PHF7: variants seen among roughly 807,000 people sequenced by gnomAD.
PHF7 encodes PHD finger protein 7, also known as E3 ubiquitin-protein ligase PHF7.
Under a neutral mutation model 47.5 loss-of-function variants are expected in PHF7, and 24 were observed. The ratio of observed to expected loss-of-function variants is 0.51; its 90% confidence interval spans 0.37 to 0.71. The LOEUF (loss-of-function observed/expected upper bound fraction) is 0.71. Among genes scored for constraint, PHF7 ranks in the 30% least tolerant of loss-of-function variants. The pLI is 0.00. For missense variants in PHF7, 361 were observed against 456.8 expected, an observed-to-expected ratio of 0.79 and a Z score of 1.91; for synonymous variants, 156 against 153.8, an observed-to-expected ratio of 1.01 and a Z score of -0.11.
chr3:52,414,447 C>A, intron 3 of PHF7, 49 bp from the exon 4 acceptor site: 1 of 1,028,196 alleles, frequency 9.7e-7, no homozygotes, highest in Non-Finnish European at 1.5e-6. Flanking sequence ...CCTTCTCTTC[C>A]ATTCTTAATG....
intron 7 of PHF7, 73 bp downstream of exon 7, chr3:52,421,135 A>G (rs941665291): frequency 7.3e-7 from 1 of 1,369,726 alleles, no homozygotes; most frequent in Non-Finnish European, 1.0e-6. Context: ...GAACCCTGGG[A>G]ATGCTCAGGT....
chr3:52,422,854 G>T lies in PHF7; in HGVS notation c.892G>T (p.Glu298Ter). The T allele has an allele frequency of 6.2e-7, 1 of 1,614,156 alleles. No homozygotes were observed. The highest frequency in any genetic ancestry group is 1.1e-5 in the South Asian group (1 of 91,076). ...ATCTAACAGTAAGAAATGGGAGTGT[G>T]AGGAGTGTTCACCTGCTGCAGCCAC... ...LRSNSKKWEC[E>*]ECSPAAATDY... is the part of the protein sequence containing the mutation. The change falls in exon 10 of 11, where the codon GAG becomes TAG. Residue 298 changes from glutamate to a stop codon, truncating the protein, a stop_gained. Coordinates refer to ENST00000327906, the MANE Select transcript of PHF7 (RefSeq NM_016483.7). LOFTEE classifies it low-confidence loss of function (END_TRUNC).
chr3:52,422,433 T>C (rs1229330563), intron 9 of PHF7, 95 bp downstream of exon 9: 5 of 849,946 alleles, frequency 5.9e-6, no homozygotes, highest in Non-Finnish European at 1.0e-5. Flanking sequence ...TTCACTCTTG[T>C]ATGCAGACCT....
At chr3:52,416,827 C>G (rs1195026785) in intron 4 of PHF7, among the ~76,000 whole-genome samples, 1 of 89,682 alleles carries the variant, frequency 1.1e-5, no homozygotes, top group African/African-American at 3.1e-5. Context: ...TGCAAGACTC[C>G]GTCTCAAAAA....
intron 1 of PHF7, among the ~76,000 whole-genome samples, chr3:52,412,231 G>A (rs868375427): frequency 6.6e-6 from 1 of 151,972 alleles, no homozygotes; most frequent in Non-Finnish European, 1.5e-5. Flanking sequence ...GAGCCTAGGG[G>A]GTGTTTGTCA....
rs528503120 is a variant in PHF7, at chr3:52,414,640, ACTGTTCT to A, written c.186+59_186+65del. 1.2e-3 allele frequency: 1,191 copies of A among 1,008,764 alleles called. 5 individuals carry two copies. Among genetic ancestry groups the A allele is most frequent in the Non-Finnish European group, 1.6e-3 (1,035 of 643,888 alleles). 62.5% of individuals were successfully genotyped at this position (1,008,764 alleles called of 1,614,324 possible). On this transcript the variant is annotated intron_variant, in intron 4 of 10. Coordinates refer to ENST00000327906, the MANE Select transcript of PHF7 (RefSeq NM_016483.7). The stretch of plus-strand genomic sequence containing the variant: ...ATATCCTATGGCTTTTGGTGTACTG[ACTGTTCT>A]CTGTTACATTCATCCTCATATCCAC...
chr3:52,416,190 T>G (rs1350265232), intron 4 of PHF7, among the ~76,000 whole-genome samples: 2 of 142,170 alleles, frequency 1.4e-5, no homozygotes, highest in Non-Finnish European at 3.2e-5. Context: ...GTTTTTTGGT[T>G]TTTTTTTTTT....
intron 2 of PHF7, 70 bp downstream of exon 2, chr3:52,412,990 GC>G: frequency 8.1e-7 from 1 of 1,232,494 alleles, no homozygotes; most frequent in East Asian, 2.4e-5. Context: ...TGCACTTTTT[GC>G]CCCCTTTGTC....
At chr3:52,412,500 A>G (rs1374072824) in intron 1 of PHF7, among the ~76,000 whole-genome samples, 2 of 152,134 alleles carry the variant, frequency 1.3e-5, no homozygotes, top group East Asian at 3.8e-4. Context: ...GCAGTATAAC[A>G]TGAGAGTTAG....
chr3:52,421,192 G>A, intron 7 of PHF7, 130 bp downstream of exon 7: 1 of 773,612 alleles, frequency 1.3e-6, no homozygotes, highest in Non-Finnish European at 2.1e-6. Flanking sequence ...ATTGAGGGCT[G>A]GTTTCAGGCA....
intron 4 of PHF7, among the ~76,000 whole-genome samples, chr3:52,419,521 C>T (rs1467630472): frequency 6.6e-6 from 1 of 151,678 alleles, no homozygotes; most frequent in African/African-American, 2.4e-5. Flanking sequence ...GCTCCACCCT[C>T]TCGGGTTCAC....
intron 4 of PHF7, among the ~76,000 whole-genome samples, chr3:52,416,415 A>G (rs944702580): frequency 6.7e-6 from 1 of 148,780 alleles, no homozygotes; most frequent in Non-Finnish European, 1.5e-5. Flanking sequence ...CGATCTCTTG[A>G]CCTCGTGATC....
chr3:52,423,466 G>A lies in PHF7; in HGVS notation c.*149G>A. The A allele has an allele frequency of 3.3e-6, 2 of 609,272 alleles. No individual in the cohort carries two copies. The highest frequency in any genetic ancestry group is 2.9e-6 in the Non-Finnish European group (1 of 340,460). The allele number at this position is 609,272 out of a possible 1,614,324, so 37.7% of individuals were successfully genotyped here. ...CCAAGCAAAGAGAAGTCTCAGTGGA[G>A]CATGAGGAGGGAGCAGTCCAGATGC... On this transcript the variant is annotated 3_prime_UTR_variant, in exon 11 of 11. Coordinates refer to ENST00000327906, the MANE Select transcript of PHF7 (RefSeq NM_016483.7).
chr3:52,416,484 C>T (rs548819762), intron 4 of PHF7, among the ~76,000 whole-genome samples: 2 of 151,170 alleles, frequency 1.3e-5, no homozygotes, highest in Non-Finnish European at 3.0e-5. Context: ...GCGCCTGGCC[C>T]GGCCCACATA....
At chr3:52,421,566 T>G in intron 7 of PHF7, 82 bp from the exon 8 acceptor site, 5 of 815,932 alleles carry the variant, frequency 6.1e-6, no homozygotes, top group Non-Finnish European at 1.1e-5. Flanking sequence ...AACATCCTCT[T>G]TGTAGGGGTG....
At chr3:52,411,916 A>G (rs1432328324) in intron 1 of PHF7, among the ~76,000 whole-genome samples, 1 of 152,156 alleles carries the variant, frequency 6.6e-6, no homozygotes, top group Non-Finnish European at 1.5e-5. Context: ...AGCCTAGGTG[A>G]AAAGAATTGA....
In PHF7 at chr3:52,413,007, C is replaced by T. The variant is rs1010012320; in HGVS notation, c.41+87C>T. The T allele has an allele frequency of 5.9e-6, 6 of 1,010,878 alleles. No homozygotes were observed. The African/African-American group carries it at 9.6e-5, about 16-fold the overall frequency. The allele number at this position is 1,010,878 out of a possible 1,614,324, so 62.6% of individuals were successfully genotyped here. ...CACTTTTTGCCCCCTTTGTCGTAGT[C>T]TTGGGGGTTGAGGTTGGACAGTGTG... On this transcript the variant is annotated intron_variant, in intron 2 of 10. Transcript: ENST00000327906.
At position 52,420,393 on chromosome 3, in the gene PHF7, G is replaced by C. The variant is rs926982433; in HGVS notation, c.371G>C (p.Gly124Ala). ...QCLRNFHLPC[G>A]QERGCLSQFF... ...CTCAGAAACTTCCATCTGCCTTGTG[G>C]CCAAGAAAGGGGTTGCCTTTCACAA... Residue 124 changes from glycine to alanine, a missense_variant, in exon 6 of 11, where the codon GGC becomes GCC. Coordinates refer to ENST00000327906, the MANE Select transcript of PHF7 (RefSeq NM_016483.7). 1.2e-6 allele frequency: 2 copies of C among 1,614,064 alleles called. No individual in the cohort carries two copies. The highest frequency in any genetic ancestry group is 3.3e-4 in the Middle Eastern group (2 of 6,062).
At chr3:52,413,263 T>A (rs1705515486) in intron 2 of PHF7, among the ~76,000 whole-genome samples, 2 of 152,206 alleles carry the variant, frequency 1.3e-5, no homozygotes, top group Non-Finnish European at 2.9e-5. Context: ...ATTGAGCTAC[T>A]GTAGATTAAT....
Sources: gnomAD v4.1 joint callset for allele counts (sites outside exome capture counted in the v4.1 genomes callset) on GRCh38, gnomAD v4.1.1 for gene constraint, MANE v1.5 for transcripts, NCBI Gene and HGNC (gene_info 2026-07-23, HGNC 2026-07-21) for gene names.